SESTD1: variants seen among roughly 807,000 people sequenced by gnomAD.
SESTD1 encodes the protein SEC14 domain and spectrin repeat-containing protein 1.
SESTD1 carries 43 observed loss-of-function variants against 101.7 expected under a neutral mutation model. That is an observed-to-expected ratio of 0.42 (90% CI 0.33 to 0.55). The LOEUF (loss-of-function observed/expected upper bound fraction) is 0.55, where lower values mean the gene tolerates loss of function less well. Ranked by LOEUF, SESTD1 falls within the 20% of genes least tolerant of loss-of-function variation. The pLI is 0.07. For synonymous variants in SESTD1, 283 were observed against 286.8 expected (o/e 0.99, Z 0.13); for missense variants, 647 against 815.1 (o/e 0.79, Z 2.51).
intron 1 of SESTD1, among the ~76,000 whole-genome samples, chr2:179,230,983 G>A (rs1689994375): frequency 6.6e-6 from 1 of 152,066 alleles, no homozygotes; most frequent in Admixed American, 6.6e-5. Flanking sequence ...AATTAAGACT[G>A]GCATCAGACT....
chr2:179,138,787 C>G (rs2045212588), intron 9 of SESTD1, among the ~76,000 whole-genome samples: 1 of 147,808 alleles, frequency 6.8e-6, no homozygotes. Context: ...GGGAGGGTCA[C>G]CTGAGCCTGG....
At position 179,105,100 on chromosome 2, in the gene SESTD1, A is replaced by G. The variant is rs1005817617; in HGVS notation, c.*4799T>C. The G allele has an allele frequency of 6.6e-6, 1 of 150,876 alleles. No individual in the cohort carries two copies. Among genetic ancestry groups the G allele is most frequent in the Non-Finnish European group, 1.5e-5 (1 of 67,840 alleles). 9.3% of individuals were successfully genotyped at this position (150,876 alleles called of 1,614,324 possible). On this transcript the variant is annotated 3_prime_UTR_variant, in exon 18 of 18. Transcript: ENST00000428443. ...AGTCGGCCATTTTCTGTTCATCATC[A>G]CTGCCTGAGTTTACCAAGAGACTGC...
intron 10 of SESTD1, among the ~76,000 whole-genome samples, chr2:179,125,337 C>G (rs1489581735): frequency 6.6e-6 from 1 of 152,220 alleles, no homozygotes; most frequent in East Asian, 1.9e-4. Context: ...TCTGTCCTCA[C>G]TTCCATCCTT....
chr2:179,196,603 A>G (rs1015668141), intron 1 of SESTD1, among the ~76,000 whole-genome samples: 8 of 152,200 alleles, frequency 5.3e-5, no homozygotes, highest in Non-Finnish European at 1.0e-4. Flanking sequence ...GCATGCAGCT[A>G]GAGATCTGAG....
chr2:179,141,127 G>C (rs547066064), intron 9 of SESTD1, among the ~76,000 whole-genome samples: 1 of 152,262 alleles, frequency 6.6e-6, no homozygotes, highest in East Asian at 1.9e-4. Context: ...GTCTGGACCT[G>C]TTGTGGACTA....
chr2:179,112,618 C>G (rs2044533567), intron 17 of SESTD1, 106 bp downstream of exon 17: 1 of 1,378,792 alleles, frequency 7.3e-7, no homozygotes, highest in Non-Finnish European at 9.6e-7. Context: ...AAGATGTGGA[C>G]CAAACCTAAT....
rs1391479543 is a variant in SESTD1, at chr2:179,264,802, C to G, written c.-329G>C. The G allele has an allele frequency of 6.6e-6, 1 of 151,236 alleles. No individual in the cohort carries two copies. Among genetic ancestry groups the G allele is most frequent in the Non-Finnish European group, 1.5e-5 (1 of 67,636 alleles). The allele number at this position is 151,236 out of a possible 1,614,324, so 9.4% of individuals were successfully genotyped here. A position where few individuals can be genotyped will look rare whatever the true frequency, so the allele number is the denominator to read the frequency against. On this transcript the variant is annotated 5_prime_UTR_variant, in exon 1 of 18. Transcript: ENST00000428443. The stretch of plus-strand genomic sequence containing the variant: ...CGCGCGCGCCCGGGTGACGGCGGTA[C>G]AGCAACCCGCCCGGCGCGGGAAGGA...
intron 2 of SESTD1, 25 bp from the exon 3 acceptor site, chr2:179,183,213 A>G: frequency 2.8e-6 from 4 of 1,435,724 alleles, no homozygotes. Flanking sequence ...ATTTAAATTT[A>G]ACATGTAATA....
At chr2:179,190,082 C>A (rs1367261441) in intron 2 of SESTD1, among the ~76,000 whole-genome samples, 2 of 151,964 alleles carry the variant, frequency 1.3e-5, no homozygotes, top group African/African-American at 4.8e-5. Context: ...AAAAAAAGCC[C>A]AATTAGCTAC....
intron 2 of SESTD1, among the ~76,000 whole-genome samples, chr2:179,186,188 T>C (rs1237906727): frequency 1.3e-5 from 2 of 151,496 alleles, no homozygotes; most frequent in African/African-American, 2.4e-5. Flanking sequence ...AAAAGAATAA[T>C]AGAGAAAGCA....
chr2:179,116,686 T>C lies in SESTD1; in HGVS notation c.1629A>G (p.Lys543=), dbSNP rs1464750827. 28 of 1,614,000 alleles carry C rather than the reference T, an allele frequency of 1.7e-5. No homozygotes were observed. The East Asian group carries it at 6.2e-4, about 36-fold the overall frequency. ...ETKVLLEKHR[K]FVDVAQSTYD... is the part of the protein sequence containing the mutation. ...TTTGCACCTGTGCAACATCAACAAA[T>C]TTTCTATGCTTTTCCAGCAAAACTT... Residue 543 remains lysine, a synonymous_variant, in exon 15 of 18, where the codon AAA becomes AAG. Transcript: ENST00000428443.
intron 3 of SESTD1, among the ~76,000 whole-genome samples, 187 bp from the exon 4 acceptor site, chr2:179,176,725 C>G (rs1169424586): frequency 1.3e-5 from 2 of 152,086 alleles, no homozygotes; most frequent in Admixed American, 6.5e-5. Flanking sequence ...ATTTATTTTT[C>G]TCATTTTAGG....
chr2:179,139,431 G>T (rs1360420101), intron 9 of SESTD1, among the ~76,000 whole-genome samples: 2 of 152,134 alleles, frequency 1.3e-5, no homozygotes, highest in African/African-American at 4.8e-5. Flanking sequence ...AGAAGGGGGA[G>T]AAATGAAAAT....
intron 1 of SESTD1, among the ~76,000 whole-genome samples, chr2:179,220,798 CA>C (rs571563959): frequency 4.8e-4 from 73 of 152,280 alleles, no homozygotes; most frequent in Non-Finnish European, 8.1e-4. Context: ...TGGGTCATTA[CA>C]AAACCTCATT....
chr2:179,220,211 C>G (rs1225465111), intron 1 of SESTD1, among the ~76,000 whole-genome samples: 2 of 152,216 alleles, frequency 1.3e-5, no homozygotes, highest in African/African-American at 4.8e-5. Context: ...CCCTTCTCCA[C>G]CCCTCTAGGC....
intron 5 of SESTD1, among the ~76,000 whole-genome samples, chr2:179,163,057 T>A (rs1372133434): frequency 6.6e-6 from 1 of 151,978 alleles, no homozygotes; most frequent in Non-Finnish European, 1.5e-5. Flanking sequence ...TTCCGTCCAG[T>A]GGAATAAGAG....
intron 1 of SESTD1, among the ~76,000 whole-genome samples, chr2:179,208,433 AAAGTC>A (rs2046614392): frequency 7.4e-6 from 1 of 134,964 alleles, no homozygotes; most frequent in African/African-American, 2.9e-5. Flanking sequence ...CAGGATATCT[AAAGTC>A]AAGACAAAGG....
intron 5 of SESTD1, among the ~76,000 whole-genome samples, chr2:179,161,840 A>G (rs1349439249): frequency 3.9e-5 from 6 of 152,186 alleles, no homozygotes; most frequent in Admixed American, 6.5e-5. Flanking sequence ...CTGGACTGGT[A>G]GATAACTCTT....
At chr2:179,138,870 C>CAA (rs61703699) in intron 9 of SESTD1, among the ~76,000 whole-genome samples, 93 of 65,532 alleles carry the variant, frequency 1.4e-3, no homozygotes, top group African/African-American at 2.4e-3. Context: ...AACCCTGTCT[C>CAA]AAAAAAAAAA....
Sources: gnomAD v4.1 joint callset for allele counts (sites outside exome capture counted in the v4.1 genomes callset) on GRCh38, gnomAD v4.1.1 for gene constraint, MANE v1.5 for transcripts, NCBI Gene and HGNC (gene_info 2026-07-23, HGNC 2026-07-21) for gene names.